HS2ST1: variants seen among roughly 807,000 people sequenced by gnomAD.
HS2ST1 encodes 2-O-sulfotransferase.
HS2ST1 carries 18 observed loss-of-function variants against 42.9 expected under a neutral mutation model. That is an observed-to-expected ratio of 0.42 (90% CI 0.29 to 0.62). The LOEUF (loss-of-function observed/expected upper bound fraction) is 0.62, where lower values mean the gene tolerates loss of function less well. Among genes scored for constraint, HS2ST1 ranks in the 20% least tolerant of loss-of-function variants. The probability of loss-of-function intolerance (pLI) is 0.21; values close to 1 mark genes in which losing one functional copy is unlikely to be tolerated. For synonymous variants in HS2ST1, 146 were observed against 152.9 expected, an observed-to-expected ratio of 0.95 and a Z score of 0.33; for missense variants, 334 against 433.8, an observed-to-expected ratio of 0.77 and a Z score of 2.04.
At chr1:87,044,858 G>T in intron 1 of HS2ST1, 1 of 939,774 alleles carries the variant, frequency 1.1e-6, no homozygotes, top group Non-Finnish European at 1.6e-6. Flanking sequence ...TGGAACAAAG[G>T]ACATAACAAA....
intron 5 of HS2ST1, among the ~76,000 whole-genome samples, chr1:87,101,107 C>T (rs57245450): frequency 3.0e-5 from 4 of 131,178 alleles, no homozygotes; most frequent in Admixed American, 2.6e-4. Flanking sequence ...GAAATTTATT[C>T]TGCCAGATGT....
chr1:86,991,100 C>G (rs184647340), intron 1 of HS2ST1, among the ~76,000 whole-genome samples: 1 of 151,678 alleles, frequency 6.6e-6, no homozygotes, highest in East Asian at 2.0e-4. Context: ...TACCCACAGT[C>G]TCTGGTTGTT....
At chr1:86,975,695 A>G (rs1484435581) in intron 1 of HS2ST1, among the ~76,000 whole-genome samples, 5 of 152,184 alleles carry the variant, frequency 3.3e-5, no homozygotes, top group Non-Finnish European at 5.9e-5. Context: ...GGCATTGTTT[A>G]TTTTATACCT....
intron 1 of HS2ST1, among the ~76,000 whole-genome samples, chr1:86,994,854 G>A (rs1215248856): frequency 6.6e-6 from 1 of 152,048 alleles, no homozygotes; most frequent in African/African-American, 2.4e-5. Context: ...GTTAAATAAT[G>A]AAGTTTTCTG....
At chr1:86,983,770 C>T (rs558974886) in intron 1 of HS2ST1, among the ~76,000 whole-genome samples, 3 of 152,046 alleles carry the variant, frequency 2.0e-5, no homozygotes, top group African/African-American at 4.8e-5. Flanking sequence ...AGGCAAGGCA[C>T]GGTGGCTCAC....
At chr1:87,092,431 C>A in intron 3 of HS2ST1, 100 bp from the exon 4 acceptor site, 1 of 632,946 alleles carries the variant, frequency 1.6e-6, no homozygotes, top group Non-Finnish European at 2.4e-6. Context: ...TTCTTTTTTC[C>A]TTATAGGACC....
chr1:87,003,808 T>C (rs1194850184), intron 1 of HS2ST1, among the ~76,000 whole-genome samples: 2 of 152,160 alleles, frequency 1.3e-5, no homozygotes, highest in Non-Finnish European at 2.9e-5. Context: ...CTAGAGATGA[T>C]ATAAGTATAC....
Position 87,004,196 on chromosome 1 carries a change from G to A in HS2ST1, c.125-68738G>A, listed in dbSNP as rs565125264. 1.2e-3 allele frequency among the ~76,000 whole-genome samples: 182 copies of A among 152,242 alleles called. 1 individual carries two copies. The highest frequency in any genetic ancestry group is 4.1e-3 in the African/African-American group (171 of 41,542). Reference sequence around the variant, plus strand: ...ACCTGAGGTCAGAAGTTCGAGACCAGCCTGGCCAACGTGGTGAAACCCCAT... The same window carrying A: ...ACCTGAGGTCAGAAGTTCGAGACCAACCTGGCCAACGTGGTGAAACCCCAT... On this transcript the variant is annotated intron_variant, in intron 1 of 6. Transcript: ENST00000370550.
intron 1 of HS2ST1, among the ~76,000 whole-genome samples, chr1:87,021,401 G>C (rs1323397093): frequency 6.6e-6 from 1 of 152,138 alleles, no homozygotes; most frequent in Non-Finnish European, 1.5e-5. Context: ...TAATAAAGAA[G>C]TATAGCCTTT....
rs376924859 is a variant in HS2ST1 at position 87,072,987 on chromosome 1, G to A, written c.178G>A (p.Asp60Asn). Residue 60 changes from aspartate (D) to asparagine (N), a missense_variant, in exon 2 of 7, where the codon GAT (aspartate) becomes AAT (asparagine). Asp to Asn is a conservative substitution (Grantham distance 23). Coordinates refer to ENST00000370550, the MANE Select transcript of HS2ST1 (RefSeq NM_012262.4). ...AGAAATTGAGCAGCGACATACAATG[G>A]ATGGCCCTCGGCAAGATGCCACTTT... ...VREIEQRHTMDGPRQDATLDE... is the reference protein window; with the variant it reads ...VREIEQRHTMNGPRQDATLDE... 1.9e-5 allele frequency: 30 copies of A among 1,613,938 alleles called. No homozygotes were observed. Among genetic ancestry groups the A allele is most frequent in the Non-Finnish European group, 2.4e-5 (28 of 1,179,996 alleles).
At chr1:87,029,743 G>A (rs1476101502) in intron 1 of HS2ST1, among the ~76,000 whole-genome samples, 1 of 152,136 alleles carries the variant, frequency 6.6e-6, no homozygotes, top group Non-Finnish European at 1.5e-5. Context: ...ACCTAATTTA[G>A]CTAGAGCAGG....
intron 1 of HS2ST1, among the ~76,000 whole-genome samples, chr1:86,983,320 C>T (rs1259834636): frequency 1.3e-5 from 2 of 152,180 alleles, no homozygotes; most frequent in Non-Finnish European, 1.5e-5. Flanking sequence ...AATTGTCTCT[C>T]AGTTCCACAT....
chr1:86,932,990 C>T (rs116527709), intron 1 of HS2ST1, among the ~76,000 whole-genome samples: 2,419 of 151,996 alleles, frequency 0.016, 40 homozygotes, highest in Non-Finnish European at 0.021. Context: ...TTTTTGTAGC[C>T]ATAGATTAAA....
intron 1 of HS2ST1, among the ~76,000 whole-genome samples, chr1:87,041,757 G>C (rs938602139): frequency 6.6e-6 from 1 of 152,122 alleles, no homozygotes; most frequent in South Asian, 2.1e-4. Flanking sequence ...TGTTGCATAC[G>C]ATGGAATTTC....
intron 1 of HS2ST1, among the ~76,000 whole-genome samples, chr1:86,992,792 G>C (rs924047889): frequency 2.0e-5 from 3 of 152,188 alleles, no homozygotes; most frequent in African/African-American, 4.8e-5. Flanking sequence ...TTTAGTTAAC[G>C]TAAGTTTTAT....
chr1:87,100,073 G>C (rs1034719060), intron 5 of HS2ST1, among the ~76,000 whole-genome samples: 1 of 152,170 alleles, frequency 6.6e-6, no homozygotes. Context: ...CAGGCAAAGC[G>C]TGCAAGCCGA....
chr1:86,953,218 G>T (rs1444900983), intron 1 of HS2ST1, among the ~76,000 whole-genome samples: 2 of 152,220 alleles, frequency 1.3e-5, no homozygotes, highest in Non-Finnish European at 2.9e-5. Context: ...GAATTGAAGA[G>T]AGTTAAGCAT....
chr1:86,917,543 CAGAA>C (rs932682890), intron 1 of HS2ST1, among the ~76,000 whole-genome samples: 6 of 150,862 alleles, frequency 4.0e-5, no homozygotes, highest in African/African-American at 1.5e-4. Context: ...CAAAGAACAA[CAGAA>C]AGCCATTTTT....
intron 1 of HS2ST1, among the ~76,000 whole-genome samples, chr1:87,020,336 C>G (rs1649904943): frequency 1.3e-5 from 2 of 152,148 alleles, no homozygotes; most frequent in Admixed American, 1.3e-4. Flanking sequence ...TACACTGATG[C>G]AAATGCATCT....
Sources: gnomAD v4.1 joint callset for allele counts (sites outside exome capture counted in the v4.1 genomes callset) on GRCh38, gnomAD v4.1.1 for gene constraint, MANE v1.5 for transcripts, NCBI Gene and HGNC (gene_info 2026-07-23, HGNC 2026-07-21) for gene names.